Variants in ZFAND3 observed in about 807,000 individuals in gnomAD.
ZFAND3 encodes the protein AN1-type zinc finger protein 3.
Under a neutral mutation model 29.6 loss-of-function variants are expected in ZFAND3, and 10 were observed. That is an observed-to-expected ratio of 0.34 (90% CI 0.21 to 0.57). ZFAND3 has a LOEUF of 0.57. Ranked by LOEUF, ZFAND3 falls within the 20% of genes least tolerant of loss-of-function variation. The probability of loss-of-function intolerance (pLI) is 0.86; values close to 1 mark genes in which losing one functional copy is unlikely to be tolerated. For missense variants in ZFAND3, 230 were observed against 304.5 expected (o/e 0.76, Z 1.82); for synonymous variants, 128 against 112.6 (o/e 1.14, Z -0.87).
chr6:38,076,452 G>T (rs1007453522), intron 3 of ZFAND3, among the ~76,000 whole-genome samples: 1 of 152,000 alleles, frequency 6.6e-6, no homozygotes, highest in Non-Finnish European at 1.5e-5. Context: ...GTGGTAATAC[G>T]ATTTTGTTGA....
At chr6:38,112,381 G>A (rs1765337190) in intron 4 of ZFAND3, among the ~76,000 whole-genome samples, 1 of 152,206 alleles carries the variant, frequency 6.6e-6, no homozygotes, top group Non-Finnish European at 1.5e-5. Flanking sequence ...TTCCAGCTTG[G>A]CACGGGAGTT....
intron 1 of ZFAND3, among the ~76,000 whole-genome samples, chr6:37,918,099 T>C (rs1169726362): frequency 6.6e-6 from 1 of 152,122 alleles, no homozygotes; most frequent in Admixed American, 6.6e-5. Flanking sequence ...TTTTTTGATA[T>C]GGAGTCTCGC....
At chr6:37,886,193 G>A (rs896600594) in intron 1 of ZFAND3, among the ~76,000 whole-genome samples, 24 of 129,884 alleles carry the variant, frequency 1.8e-4, no homozygotes, top group African/African-American at 4.5e-4. Flanking sequence ...AGCTGAGATT[G>A]CGCCACTGCA....
intron 2 of ZFAND3, among the ~76,000 whole-genome samples, chr6:38,054,052 GTGTGTA>G (rs1011926215): frequency 6.6e-6 from 1 of 151,750 alleles, no homozygotes; most frequent in African/African-American, 2.4e-5. Context: ...AGAGGTGTGT[GTGTGTA>G]TATTGTATGT....
chr6:37,853,364 A>G (rs2127380143), intron 1 of ZFAND3, among the ~76,000 whole-genome samples: 1 of 150,774 alleles, frequency 6.6e-6, no homozygotes, highest in East Asian at 1.9e-4. Flanking sequence ...AGATACCAAG[A>G]CAAACTGTCT....
At chr6:37,973,117 T>G (rs1334480892) in intron 2 of ZFAND3, among the ~76,000 whole-genome samples, 1 of 152,130 alleles carries the variant, frequency 6.6e-6, no homozygotes, top group Non-Finnish European at 1.5e-5. Flanking sequence ...AGTTGCTGAT[T>G]TGGTAAAACT....
intron 1 of ZFAND3, among the ~76,000 whole-genome samples, chr6:37,905,863 A>G (rs899709157): frequency 3.3e-5 from 5 of 152,132 alleles, no homozygotes; most frequent in Non-Finnish European, 7.4e-5. Context: ...TTGCTAGCAT[A>G]CATCTTGTTT....
intron 5 of ZFAND3, 51 bp from the exon 6 acceptor site, chr6:38,152,184 C>A: frequency 6.9e-7 from 1 of 1,456,208 alleles, no homozygotes; most frequent in Non-Finnish European, 9.1e-7. Flanking sequence ...GCTCTGCGCA[C>A]TTGGAGGCCA....
chr6:37,903,060 G>C (rs904495911), intron 1 of ZFAND3, among the ~76,000 whole-genome samples: 2 of 152,130 alleles, frequency 1.3e-5, no homozygotes, highest in Non-Finnish European at 1.5e-5. Context: ...TCTCTAAAAA[G>C]TATTCATTTT....
chr6:37,919,255 C>A (rs1761327718), intron 1 of ZFAND3, among the ~76,000 whole-genome samples: 1 of 151,976 alleles, frequency 6.6e-6, no homozygotes, highest in South Asian at 2.1e-4. Flanking sequence ...GCTGAGAGAT[C>A]TTATATATAT....
In ZFAND3 at chr6:37,823,803, G is replaced by A. The variant is rs564633253; in HGVS notation, c.71+3787G>A. Among the ~76,000 whole-genome samples, 3 of 149,422 alleles carry A rather than the reference G, an allele frequency of 2.0e-5. No homozygotes were observed. In the East Asian group the frequency reaches 5.8e-4, roughly 29 times the overall value. On this transcript the variant is annotated intron_variant, in intron 1 of 5. Coordinates refer to ENST00000287218, the MANE Select transcript of ZFAND3 (RefSeq NM_021943.3). Reference sequence around the variant, plus strand: ...ATGTATTTTTTTGTATTTTTTTTTGGGGGGGGGTAGGAAGTTTTGCTCTCA... The same window carrying A: ...ATGTATTTTTTTGTATTTTTTTTTGAGGGGGGGTAGGAAGTTTTGCTCTCA...
At chr6:37,962,275 T>C (rs753994355) in intron 2 of ZFAND3, among the ~76,000 whole-genome samples, 1 of 152,204 alleles carries the variant, frequency 6.6e-6, no homozygotes, top group African/African-American at 2.4e-5. Flanking sequence ...ATTAGTGAGC[T>C]TGAAGACATG....
Position 37,820,030 on chromosome 6 carries a change from C to T in ZFAND3, c.71+14C>T, listed in dbSNP as rs1385468002. On this transcript the variant is annotated intron_variant, in intron 1 of 5. Transcript: ENST00000287218. ...CGGCTTCTGGGGGTAAGTGCCCGGC[C>T]GGGTGGGGGCGGGGGGCGGGGGCCG... 5 of 532,922 alleles carry T rather than the reference C, an allele frequency of 9.4e-6. No individual in the cohort carries two copies. The highest frequency in any genetic ancestry group is 1.3e-5 in the Non-Finnish European group (5 of 377,948). The allele number at this position is 532,922 out of a possible 1,614,324, so 33.0% of individuals were successfully genotyped here.
At chr6:37,823,425 C>T (rs1004216372) in intron 1 of ZFAND3, among the ~76,000 whole-genome samples, 4 of 152,202 alleles carry the variant, frequency 2.6e-5, no homozygotes, top group Admixed American at 1.3e-4. Context: ...GGCAGACTAA[C>T]GGCAGTTCCT....
At chr6:37,874,482 C>T (rs1206594747) in intron 1 of ZFAND3, among the ~76,000 whole-genome samples, 9 of 144,750 alleles carry the variant, frequency 6.2e-5, no homozygotes, top group Admixed American at 3.6e-4. Flanking sequence ...CCATTGCACT[C>T]CAGCCTGGGC....
intron 1 of ZFAND3, among the ~76,000 whole-genome samples, chr6:37,879,128 G>A (rs903582134): frequency 6.6e-6 from 1 of 152,222 alleles, no homozygotes; most frequent in African/African-American, 2.4e-5. Flanking sequence ...CCTGTGACAT[G>A]TGTAACTGTT....
At chr6:37,958,092 TTG>T (rs747738007) in intron 2 of ZFAND3, among the ~76,000 whole-genome samples, 49 of 152,322 alleles carry the variant, frequency 3.2e-4, no homozygotes, top group Admixed American at 6.5e-4. Context: ...TAAAAAATAT[TTG>T]TCTTTATTCT....
intron 4 of ZFAND3, among the ~76,000 whole-genome samples, chr6:38,099,295 G>A (rs969777701): frequency 6.6e-6 from 1 of 152,132 alleles, no homozygotes; most frequent in Non-Finnish European, 1.5e-5. Context: ...TGTCATGGGG[G>A]ACTTAATATT....
chr6:38,001,157 A>G (rs1212873390), intron 2 of ZFAND3, among the ~76,000 whole-genome samples: 4 of 152,234 alleles, frequency 2.6e-5, no homozygotes, highest in Non-Finnish European at 4.4e-5. Context: ...GACCACCCTT[A>G]GTGTAGAAAG....
Sources: gnomAD v4.1 joint callset for allele counts (sites outside exome capture counted in the v4.1 genomes callset) on GRCh38, gnomAD v4.1.1 for gene constraint, MANE v1.5 for transcripts, NCBI Gene and HGNC (gene_info 2026-07-23, HGNC 2026-07-21) for gene names.